Variants in CEACAM4 observed in about 807,000 individuals in gnomAD.
The protein encoded by CEACAM4 is cell adhesion molecule CEACAM4.
In CEACAM4, 30 loss-of-function variants were observed where a neutral mutation model predicts 28.7. That is an observed-to-expected ratio of 1.05 (90% CI 0.78 to 1.42). The LOEUF is 1.42. Among genes scored for constraint, CEACAM4 ranks in the 40% most tolerant of loss-of-function variants. The pLI, the probability that CEACAM4 is intolerant of heterozygous loss-of-function variation, is 0.00. For missense variants in CEACAM4, 330 were observed against 308.2 expected, an observed-to-expected ratio of 1.07 and a Z score of -0.53; for synonymous variants, 143 against 126.5, an observed-to-expected ratio of 1.13 and a Z score of -0.87.
intron 5 of CEACAM4, 63 bp from the exon 6 acceptor site, chr19:41,619,774 G>T: frequency 7.3e-7 from 1 of 1,372,366 alleles, no homozygotes; most frequent in Non-Finnish European, 9.9e-7. Context: ...GCCCAGCCTG[G>T]AAGGTTCCTG....
chr19:41,613,959 T>A, the CEACAM4 span, among the ~76,000 whole-genome samples: 1 of 152,262 alleles, frequency 6.6e-6, no homozygotes, highest in Non-Finnish European at 1.5e-5. Flanking sequence ...ATACTTTCGA[T>A]GCATTCTTAT....
Position 41,625,637 on chromosome 19 carries a change from C to G in CEACAM4, c.388G>C (p.Asp130His), listed in dbSNP as rs200115429. 1.3e-6 allele frequency: 2 copies of G among 1,593,854 alleles called. No homozygotes were observed. Among genetic ancestry groups the G allele is most frequent in the South Asian group, 2.3e-5 (2 of 87,602 alleles). ...AGCTGGCCAGTTGCTTGGTCAGAGT[C>G]GTAACTGGCATTTATGGTTCGTAGG... ...YTLRTINASY[D>H]SDQATGQLHV... The change falls in exon 2 of 7, where the codon GAC becomes CAC. Residue 130 changes from aspartate to histidine, a missense_variant. Asp to His is a moderately conservative substitution (Grantham distance 81). Coordinates refer to ENST00000221954, the MANE Select transcript of CEACAM4 (RefSeq NM_001817.4).
intron 6 of CEACAM4, 136 bp from the exon 7 acceptor site, chr19:41,619,531 C>T: frequency 6.5e-7 from 1 of 1,544,984 alleles, no homozygotes; most frequent in Non-Finnish European, 8.8e-7. Flanking sequence ...GTTCCCAGGC[C>T]CCTCCCTCCT....
At chr19:41,624,248 T>G (rs2071495940) in intron 2 of CEACAM4, among the ~76,000 whole-genome samples, 3 of 152,232 alleles carry the variant, frequency 2.0e-5, no homozygotes, top group African/African-American at 7.2e-5. Context: ...AGATCATTCC[T>G]TCATTCATTC....
intron 2 of CEACAM4, among the ~76,000 whole-genome samples, chr19:41,623,965 A>G (rs1044091518): frequency 2.0e-5 from 3 of 152,076 alleles, no homozygotes; most frequent in African/African-American, 7.2e-5. Flanking sequence ...CTGCAGCCCC[A>G]GGGTCAGATG....
Position 41,619,221 on chromosome 19 carries a change from C to T in CEACAM4, c.*109G>A. On this transcript the variant is annotated 3_prime_UTR_variant, in exon 7 of 7. Transcript: ENST00000221954. ...CCCTGTCCCCAGGCCTGTGTCTCCT[C>T]AGGACTCAGAGCTGGTTCTCTGGCT... 1.1e-6 allele frequency: 1 copy of T among 886,284 alleles called. No homozygotes were observed. The highest frequency in any genetic ancestry group is 1.9e-6 in the Non-Finnish European group (1 of 531,658). 54.9% of individuals were successfully genotyped at this position (886,284 alleles called of 1,614,324 possible). A position where few individuals can be genotyped will look rare whatever the true frequency, so the allele number is the denominator to read the frequency against.
chr19:41,621,237 C>T (rs2071266637), intron 3 of CEACAM4, among the ~76,000 whole-genome samples: 1 of 152,136 alleles, frequency 6.6e-6, no homozygotes, highest in Admixed American at 6.5e-5. Context: ...CCTGTCCAGG[C>T]TTTGCCACTC....
downstream of CEACAM4, among the ~76,000 whole-genome samples, chr19:41,616,031 T>C (rs1474826090): frequency 6.6e-6 from 1 of 152,040 alleles, no homozygotes; most frequent in Non-Finnish European, 1.5e-5. Context: ...TGGATTCTTT[T>C]TGTTTTGTTT....
chr19:41,626,063 AGTGTGTGTGT>A (rs61710351), intron 1 of CEACAM4, 103 bp from the exon 2 acceptor site: 31,188 of 648,018 alleles, frequency 0.048, 413 homozygotes, highest in Middle Eastern at 0.076. Context: ...TCAGCCTTGG[AGTGTGTGTGT>A]GTGTGTGTGT....
chr19:41,624,908 C>T (rs1455130459), intron 2 of CEACAM4, among the ~76,000 whole-genome samples: 1 of 152,194 alleles, frequency 6.6e-6, no homozygotes, highest in Non-Finnish European at 1.5e-5. Context: ...TGGGCATGAT[C>T]CCCGGTGGAC....
intron 6 of CEACAM4, 35 bp from the exon 7 acceptor site, chr19:41,619,430 G>T: frequency 6.2e-7 from 1 of 1,609,776 alleles, no homozygotes; most frequent in Non-Finnish European, 8.5e-7. Flanking sequence ...AACCCCTGTA[G>T]CCTTCTCAGA....
intron 2 of CEACAM4, among the ~76,000 whole-genome samples, chr19:41,625,386 C>G (rs530532482): frequency 6.6e-6 from 1 of 152,254 alleles, no homozygotes; most frequent in East Asian, 1.9e-4. Flanking sequence ...GAGGCCCCCC[C>G]GCCCCCGCCA....
intron 1 of CEACAM4, 129 bp from the exon 2 acceptor site, chr19:41,626,089 T>C (rs2071637769): frequency 2.2e-6 from 1 of 464,474 alleles, no homozygotes; most frequent in East Asian, 6.7e-5. Context: ...TGTGTGTGTG[T>C]GTGTGTGTGT....
chr19:41,625,485 A>G, intron 2 of CEACAM4, 116 bp downstream of exon 2: 2 of 1,304,106 alleles, frequency 1.5e-6, no homozygotes, highest in African/African-American at 1.5e-5. Flanking sequence ...AAATGCCCAA[A>G]TCTCAACACG....
chr19:41,615,194 T>A (rs1276027937), downstream of CEACAM4, among the ~76,000 whole-genome samples: 2 of 151,744 alleles, frequency 1.3e-5, no homozygotes, highest in African/African-American at 4.8e-5. Flanking sequence ...GTCACAGATA[T>A]GAGGAGGAGT....
In CEACAM4 at chr19:41,619,677, A is replaced by G; in HGVS notation, c.662T>C (p.Ile221Thr). 1 of 1,595,456 alleles carries G rather than the reference A, an allele frequency of 6.3e-7. No homozygotes were observed. The highest frequency in any genetic ancestry group is 8.5e-7 in the Non-Finnish European group (1 of 1,170,614). Residue 221 changes from isoleucine to threonine, a missense_variant, in exon 6 of 7, where the codon ATC becomes ACC. Coordinates refer to ENST00000221954, the MANE Select transcript of CEACAM4 (RefSeq NM_001817.4). ...PLPSPRTATP[I>T]YEELLYSDAN... Reference sequence around the variant, plus strand: ...TCCATGGCCCACACTCACCTCATAGATGGGAGTGGCTGTTCTGGGGCTGGG... The same window carrying G: ...TCCATGGCCCACACTCACCTCATAGGTGGGAGTGGCTGTTCTGGGGCTGGG...
downstream of CEACAM4, among the ~76,000 whole-genome samples, chr19:41,614,728 A>G (rs1156846016): frequency 6.6e-6 from 1 of 152,162 alleles, no homozygotes; most frequent in African/African-American, 2.4e-5. Context: ...ACCTGAACAC[A>G]GGTAACCCCT....
chr19:41,625,379 GC>G (rs145574063), intron 2 of CEACAM4, among the ~76,000 whole-genome samples: 1 of 151,932 alleles, frequency 6.6e-6, no homozygotes, highest in African/African-American at 2.4e-5. Flanking sequence ...CCCTGCTGAG[GC>G]CCCCCCGCCC....
intron 6 of CEACAM4, 48 bp from the exon 7 acceptor site, chr19:41,619,443 A>G (rs1289304120): frequency 6.2e-7 from 1 of 1,604,516 alleles, no homozygotes; most frequent in Non-Finnish European, 8.5e-7. Context: ...TTCTCAGAAC[A>G]GTGTCTGGCA....
Sources: gnomAD v4.1 joint callset for allele counts (sites outside exome capture counted in the v4.1 genomes callset) on GRCh38, gnomAD v4.1.1 for gene constraint, MANE v1.5 for transcripts, NCBI Gene and HGNC (gene_info 2026-07-23, HGNC 2026-07-21) for gene names.